TRABD2B: variants seen among roughly 807,000 people sequenced by gnomAD.
The protein encoded by TRABD2B is TraB domain containing 2B, also known as metalloprotease TIKI2.
A neutral mutation model predicts 40.1 loss-of-function variants in TRABD2B; 14 were observed. The observed-to-expected ratio is 0.35, with a 90% CI of 0.23 to 0.55. The LOEUF (loss-of-function observed/expected upper bound fraction) is 0.55, where lower values mean the gene tolerates loss of function less well. Among genes scored for constraint, TRABD2B ranks in the 20% least tolerant of loss-of-function variants. The pLI, the probability that TRABD2B is intolerant of heterozygous loss-of-function variation, is 0.90. For synonymous variants in TRABD2B, 263 were observed against 277.0 expected, an observed-to-expected ratio of 0.95 and a Z score of 0.50; for missense variants, 541 against 648.6, an observed-to-expected ratio of 0.83 and a Z score of 1.80.
At chr1:47,903,492 A>T (rs1285215203) in intron 2 of TRABD2B, among the ~76,000 whole-genome samples, 1 of 152,072 alleles carries the variant, frequency 6.6e-6, no homozygotes, top group Admixed American at 6.5e-5. Flanking sequence ...CTTTGTCTGC[A>T]CTGTGTCTGT....
In TRABD2B at chr1:47,869,779, C is replaced by T. The variant is rs1410380953; in HGVS notation, c.667-68160G>A. Among the ~76,000 whole-genome samples, 5 of 152,316 alleles carry T rather than the reference C, an allele frequency of 3.3e-5. No homozygotes were observed. In the East Asian group the frequency reaches 7.7e-4, roughly 23 times the overall value. ...CTGAATCAGAAACACATGGCACATT[C>T]CCTCCCAATCACATGCGGTTTGGGA... is the stretch of plus-strand genomic sequence containing the variant. On this transcript the variant is annotated intron_variant, in intron 2 of 6. Transcript: ENST00000606738.
At chr1:47,984,330 A>C (rs1000113728) in intron 2 of TRABD2B, among the ~76,000 whole-genome samples, 2 of 152,202 alleles carry the variant, frequency 1.3e-5, no homozygotes, top group Non-Finnish European at 2.9e-5. Flanking sequence ...GAGGACATAC[A>C]CACTGCGGCC....
chr1:47,929,638 G>C (rs1249375041), intron 2 of TRABD2B, among the ~76,000 whole-genome samples: 4 of 152,172 alleles, frequency 2.6e-5, no homozygotes, highest in Admixed American at 2.6e-4. Flanking sequence ...CCCTCATCTG[G>C]CTAGACTGCA....
intron 6 of TRABD2B, among the ~76,000 whole-genome samples, chr1:47,770,895 C>T (rs1390882504): frequency 6.6e-6 from 1 of 152,240 alleles, no homozygotes; most frequent in African/African-American, 2.4e-5. Context: ...GCAACTGTTA[C>T]CGAGTGTTAC....
intron 6 of TRABD2B, among the ~76,000 whole-genome samples, chr1:47,772,759 CT>C (rs1258127312): frequency 1.3e-5 from 2 of 152,098 alleles, no homozygotes; most frequent in Admixed American, 1.3e-4. Flanking sequence ...GATGAGTCCC[CT>C]GGGAGCAACG....
intron 4 of TRABD2B, among the ~76,000 whole-genome samples, chr1:47,784,610 C>T (rs1049754391): frequency 1.3e-5 from 2 of 152,228 alleles, no homozygotes; most frequent in South Asian, 2.1e-4. Flanking sequence ...CTTTCAAATG[C>T]TAATCTAGCT....
At chr1:47,787,503 C>T (rs1266620685) in intron 4 of TRABD2B, among the ~76,000 whole-genome samples, 2 of 152,078 alleles carry the variant, frequency 1.3e-5, no homozygotes, top group African/African-American at 2.4e-5. Context: ...ATCATCTTGC[C>T]GCCTCCCCTC....
In TRABD2B at chr1:47,844,719, G is replaced by A. The variant is rs1015832174; in HGVS notation, c.667-43100C>T. 5.9e-5 allele frequency among the ~76,000 whole-genome samples: 9 copies of A among 152,332 alleles called. No individual in the cohort carries two copies. In the East Asian group the frequency reaches 9.6e-4, roughly 16 times the overall value. On this transcript the variant is annotated intron_variant, in intron 2 of 6. Coordinates refer to ENST00000606738, the MANE Select transcript of TRABD2B (RefSeq NM_001194986.2). ...ATTCAGGAACATCTGTTGGGCCTACGAGGATAAGATTTCAACAGACAGGAT... is the reference window on the plus strand; with the variant it reads ...ATTCAGGAACATCTGTTGGGCCTACAAGGATAAGATTTCAACAGACAGGAT...
chr1:47,930,924 C>A (rs1298358219), intron 2 of TRABD2B, among the ~76,000 whole-genome samples: 1 of 152,210 alleles, frequency 6.6e-6, no homozygotes, highest in African/African-American at 2.4e-5. Context: ...AAGACCACCC[C>A]TTCCTGATGG....
chr1:47,844,675 C>T (rs904966750), intron 2 of TRABD2B, among the ~76,000 whole-genome samples: 21 of 152,096 alleles, frequency 1.4e-4, no homozygotes, highest in African/African-American at 4.6e-4. Context: ...TGATGTGAGT[C>T]CCGGAGAGGG....
At chr1:47,893,711 C>T (rs1256188614) in intron 2 of TRABD2B, among the ~76,000 whole-genome samples, 1 of 152,154 alleles carries the variant, frequency 6.6e-6, no homozygotes, top group East Asian at 1.9e-4. Context: ...AATGCACAGT[C>T]GCTACCTTCC....
chr1:47,887,327 G>A (rs1644383865), intron 2 of TRABD2B, among the ~76,000 whole-genome samples: 1 of 152,036 alleles, frequency 6.6e-6, no homozygotes, highest in Non-Finnish European at 1.5e-5. Context: ...AGGACTGACT[G>A]ACCCCAGAGG....
At chr1:47,852,316 CAG>C (rs1377840803) in intron 2 of TRABD2B, among the ~76,000 whole-genome samples, 1 of 152,196 alleles carries the variant, frequency 6.6e-6, no homozygotes, top group Non-Finnish European at 1.5e-5. Context: ...GATTCTAAGG[CAG>C]CCTTTGTTGC....
At chr1:47,945,511 T>A (rs903606693) in intron 2 of TRABD2B, among the ~76,000 whole-genome samples, 2 of 152,228 alleles carry the variant, frequency 1.3e-5, no homozygotes, top group Admixed American at 1.3e-4. Context: ...TACAGTCATG[T>A]AACCACCCAA....
chr1:47,800,913 C>A (rs1018640034), intron 3 of TRABD2B, among the ~76,000 whole-genome samples: 1 of 152,180 alleles, frequency 6.6e-6, no homozygotes, highest in African/African-American at 2.4e-5. Context: ...ACAAGGCCAG[C>A]AGAGGGCACG....
At chr1:47,949,238 C>A (rs1645304507) in intron 2 of TRABD2B, among the ~76,000 whole-genome samples, 1 of 151,880 alleles carries the variant, frequency 6.6e-6, no homozygotes, top group Non-Finnish European at 1.5e-5. Context: ...TATTATTATT[C>A]TCATTTTACA....
At chr1:47,961,121 C>T (rs918356936) in intron 2 of TRABD2B, among the ~76,000 whole-genome samples, 5 of 152,190 alleles carry the variant, frequency 3.3e-5, no homozygotes, top group Non-Finnish European at 7.3e-5. Flanking sequence ...AAAGGATTCC[C>T]TATTTAATAA....
At chr1:47,796,432 G>T (rs922791144) in intron 3 of TRABD2B, among the ~76,000 whole-genome samples, 5 of 151,982 alleles carry the variant, frequency 3.3e-5, no homozygotes, top group African/African-American at 1.2e-4. Context: ...GCCCCTAAAT[G>T]GCCCTGCAGC....
chr1:47,800,012 C>A (rs1438676431), intron 3 of TRABD2B, among the ~76,000 whole-genome samples: 7 of 16,962 alleles, frequency 4.1e-4, no homozygotes, highest in East Asian at 0.083. Context: ...TATTTCATTC[C>A]TTCCTTCCTT....
Sources: allele counts gnomAD v4.1 joint callset (sites outside exome capture counted in the v4.1 genomes callset), GRCh38; gene constraint gnomAD v4.1.1; transcripts MANE v1.5; gene names NCBI Gene and HGNC (gene_info 2026-07-23, HGNC 2026-07-21).